The following CLDN14 variants were observed in gnomAD, a reference collection of about 807,000 sequenced individuals.
CLDN14 encodes claudin 14.
A neutral mutation model predicts 2.1 loss-of-function variants in CLDN14; 2 were observed. The ratio of observed to expected loss-of-function variants is 0.96; its 90% CI spans 0.39 to 3.01. The LOEUF (loss-of-function observed/expected upper bound fraction) is 3.01. Ranked by LOEUF, CLDN14 falls within the 30% of genes most tolerant of loss-of-function variation. The pLI is 0.09. For missense variants in CLDN14, 298 were observed against 328.0 expected (o/e 0.91, Z 0.71); for synonymous variants, 136 against 154.4 (o/e 0.88, Z 0.88).
chr21:36,545,816 A>G (rs1022403812), intron 1 of CLDN14, among the ~76,000 whole-genome samples: 4 of 152,130 alleles, frequency 2.6e-5, no homozygotes, highest in Non-Finnish European at 5.9e-5. Flanking sequence ...CTGGCCCAGA[A>G]TTTCAGAGTC....
At chr21:36,523,372 CTT>C (rs1821300806) in intron 1 of CLDN14, among the ~76,000 whole-genome samples, 1 of 152,060 alleles carries the variant, frequency 6.6e-6, no homozygotes, top group Admixed American at 6.5e-5. Flanking sequence ...TTCCCCCAAA[CTT>C]TTGCAAACAA....
chr21:36,545,246 C>A (rs567506469), intron 1 of CLDN14, among the ~76,000 whole-genome samples: 2 of 152,144 alleles, frequency 1.3e-5, no homozygotes, highest in Non-Finnish European at 2.9e-5. Context: ...ATTCTTAAAG[C>A]GTTTTAAGGT....
At chr21:36,524,880 C>T (rs188689669) in intron 1 of CLDN14, among the ~76,000 whole-genome samples, 5 of 152,322 alleles carry the variant, frequency 3.3e-5, no homozygotes, top group Admixed American at 6.5e-5. Flanking sequence ...TTCTCAGCTC[C>T]TTCTAGCCCA....
intron 2 of CLDN14, among the ~76,000 whole-genome samples, chr21:36,505,795 C>G (rs1298039996): frequency 6.6e-6 from 1 of 152,206 alleles, no homozygotes; most frequent in Non-Finnish European, 1.5e-5. Context: ...CCATTGTTAA[C>G]CCCTTCCTGG....
intron 1 of CLDN14, among the ~76,000 whole-genome samples, chr21:36,521,601 A>G (rs115498767): frequency 0.012 from 1,897 of 152,318 alleles, 38 homozygotes; most frequent in African/African-American, 0.043. Flanking sequence ...TTTGCCAAGG[A>G]AATAATATTC....
At chr21:36,489,131 A>AAAAAAAAATATATAT in intron 2 of CLDN14, among the ~76,000 whole-genome samples, 2 of 62,738 alleles carry the variant, frequency 3.2e-5, no homozygotes, top group African/African-American at 5.9e-5. Flanking sequence ...AAAAAAAAAA[A>AAAAAAAAATATATAT]ATATATATAT....
Position 36,460,824 on chromosome 21 carries a change from G to T in CLDN14, c.*152C>A. 1.1e-6 allele frequency: 1 copy of T among 877,412 alleles called. No homozygotes were observed. Among genetic ancestry groups the T allele is most frequent in the Non-Finnish European group, 1.8e-6 (1 of 566,778 alleles). The allele number at this position is 877,412 out of a possible 1,614,324, so 54.4% of individuals were successfully genotyped here. A position where few individuals can be genotyped will look rare whatever the true frequency, so the allele number is the denominator to read the frequency against. ...TCCTCTTATTTCCCCCTCTGTCCCT[G>T]TGCTCTAAAGACATTTCCTCGCATT... is the stretch of plus-strand genomic sequence containing the variant. On this transcript the variant is annotated 3_prime_UTR_variant, in exon 2 of 2. Coordinates refer to ENST00000399135, the MANE Select transcript of CLDN14 (RefSeq NM_001146079.2). The surrounding 1 kb of genome is among the most constrained non-coding windows in gnomAD (Gnocchi z 4.0).
intron 2 of CLDN14, chr21:36,486,126 C>T: frequency 7.6e-7 from 1 of 1,315,688 alleles, no homozygotes; most frequent in South Asian, 1.2e-5. Flanking sequence ...AACTCAGGAT[C>T]CTGCATCACG....
chr21:36,461,137 C>G lies in CLDN14; in HGVS notation c.559G>C (p.Asp187His). 1 of 1,613,892 alleles carries G rather than the reference C, an allele frequency of 6.2e-7. No homozygotes were observed. The highest frequency in any genetic ancestry group is 8.5e-7 in the Non-Finnish European group (1 of 1,179,798). ...GGTLLCLSCQ[D>H]EAPYRPYQAP... ...TGGTAGGGCCTGTAGGGTGCCTCGT[C>G]CTGGCAGGACAGGCAAAGCAGGGTG... The change falls in exon 2 of 2, where the codon GAC becomes CAC. Residue 187 changes from aspartate to histidine, a missense_variant. Transcript: ENST00000399135.
intron 1 of CLDN14, among the ~76,000 whole-genome samples, chr21:36,532,576 C>A (rs2087390170): frequency 6.6e-6 from 1 of 151,466 alleles, no homozygotes; most frequent in Admixed American, 6.6e-5. Flanking sequence ...TGCACATGTA[C>A]CCTAAAACTT....
intron 2 of CLDN14, among the ~76,000 whole-genome samples, chr21:36,492,632 C>A (rs1346891821): frequency 1.1e-4 from 17 of 151,520 alleles, no homozygotes; most frequent in Admixed American, 1.1e-3. Context: ...CTGTCTCAAA[C>A]AAAACAAAAC....
intron 2 of CLDN14, among the ~76,000 whole-genome samples, chr21:36,491,095 G>C (rs941139407): frequency 6.6e-6 from 1 of 152,052 alleles, no homozygotes; most frequent in African/African-American, 2.4e-5. Context: ...CGTTAACTTG[G>C]GGGGCTGCAT....
chr21:36,521,269 A>G (rs1334289284), intron 1 of CLDN14, among the ~76,000 whole-genome samples: 3 of 152,148 alleles, frequency 2.0e-5, no homozygotes, highest in African/African-American at 4.8e-5. Flanking sequence ...GGACTGCCCC[A>G]AGGGAAGCAT....
chr21:36,544,111 C>T lies in CLDN14; in HGVS notation c.-220+32300G>A, dbSNP rs2087511274. On this transcript the variant is annotated intron_variant, in intron 1 of 2. Coordinates refer to the CLDN14 transcript ENST00000342108. This position sits in a 1 kb window ranked among gnomAD's most constrained non-coding sequence, Gnocchi z 4.1. Reference sequence around the variant, plus strand: ...GGACCCAATGGGTGACACCCAGGAACCCAGAAGCCACACCAGCCCTTGGCT... The same window carrying T: ...GGACCCAATGGGTGACACCCAGGAATCCAGAAGCCACACCAGCCCTTGGCT... Among the ~76,000 whole-genome samples, 1 of 152,230 alleles carries T rather than the reference C, an allele frequency of 6.6e-6. No individual in the cohort carries two copies. Among genetic ancestry groups the T allele is most frequent in the Non-Finnish European group, 1.5e-5 (1 of 68,040 alleles).
chr21:36,476,327 C>T (rs181437441), intron 1 of CLDN14, among the ~76,000 whole-genome samples: 27 of 152,330 alleles, frequency 1.8e-4, no homozygotes, highest in African/African-American at 5.3e-4. Context: ...CAGAGCCCCA[C>T]GGAAGCCTGT....
At chr21:36,523,957 A>G (rs1210882057) in intron 1 of CLDN14, among the ~76,000 whole-genome samples, 1 of 151,746 alleles carries the variant, frequency 6.6e-6, no homozygotes, top group Non-Finnish European at 1.5e-5. Flanking sequence ...ACAAAGCAGC[A>G]CTCTTACCAC....
At chr21:36,541,215 CGTCA>C (rs2087485751) in intron 1 of CLDN14, among the ~76,000 whole-genome samples, 3 of 151,952 alleles carry the variant, frequency 2.0e-5, no homozygotes, top group Non-Finnish European at 4.4e-5. Context: ...CCTACCTTTC[CGTCA>C]GTCAGTTTAT....
intron 1 of CLDN14, among the ~76,000 whole-genome samples, chr21:36,575,513 G>A (rs1265603772): frequency 2.0e-5 from 3 of 152,156 alleles, no homozygotes; most frequent in African/African-American, 7.2e-5. Context: ...CAGAATCCAT[G>A]TCTTTGTCGC....
chr21:36,522,012 A>G (rs1047329912), intron 1 of CLDN14, among the ~76,000 whole-genome samples: 1 of 152,216 alleles, frequency 6.6e-6, no homozygotes, highest in East Asian at 1.9e-4. Context: ...TTCCCTATCA[A>G]GTTATTACCT....
Sources: gnomAD v4.1 joint callset for allele counts (sites outside exome capture counted in the v4.1 genomes callset) on GRCh38, gnomAD v4.1.1 for gene constraint, Gnocchi (gnomAD v3.1) non-coding constraint, MANE v1.5 for transcripts, NCBI Gene and HGNC (gene_info 2026-07-23, HGNC 2026-07-21) for gene names.